Variants in DIP2A observed in about 807,000 individuals in gnomAD.
DIP2A encodes disco-interacting protein 2 homolog A.
Under a neutral mutation model 177.4 loss-of-function variants are expected in DIP2A, and 85 were observed. The ratio of observed to expected loss-of-function variants is 0.48; its 90% CI spans 0.40 to 0.57. DIP2A has a LOEUF of 0.57. Ranked by LOEUF, DIP2A falls within the 20% of genes least tolerant of loss-of-function variation. DIP2A has a pLI of 0.00. For missense variants in DIP2A, 1,791 were observed against 2,100.2 expected (o/e 0.85, Z 2.88); for synonymous variants, 886 against 881.8 (o/e 1.00, Z -0.08).
At chr21:46,579,674 A>G in the DIP2A span, among the ~76,000 whole-genome samples, 1 of 152,100 alleles carries the variant, frequency 6.6e-6, no homozygotes, top group African/African-American at 2.4e-5. Flanking sequence ...ATTAGTTTCA[A>G]ATAAGTTCTT....
chr21:46,493,572 C>T (rs1247781468), intron 3 of DIP2A, among the ~76,000 whole-genome samples: 1 of 152,044 alleles, frequency 6.6e-6, no homozygotes, highest in Non-Finnish European at 1.5e-5. Flanking sequence ...TTTTTGTCTT[C>T]AAAACTATTG....
At chr21:46,494,512 G>C (rs534886731) in intron 3 of DIP2A, among the ~76,000 whole-genome samples, 1 of 152,324 alleles carries the variant, frequency 6.6e-6, no homozygotes, top group African/African-American at 2.4e-5. Context: ...GCAAAATGGT[G>C]AAATTTAGAT....
intron 1 of DIP2A, among the ~76,000 whole-genome samples, chr21:46,471,669 T>A (rs2055395484): frequency 6.6e-6 from 1 of 152,244 alleles, no homozygotes; most frequent in Admixed American, 6.5e-5. Flanking sequence ...ACTTCTATTG[T>A]GTATTGATAG....
intron 3 of DIP2A, among the ~76,000 whole-genome samples, chr21:46,495,218 TC>T (rs60990940): frequency 0.046 from 4,757 of 104,078 alleles, 318 homozygotes; most frequent in African/African-American, 0.18. Context: ...TCTTCTCTTC[TC>T]TTCTCTTCTC....
In DIP2A at chr21:46,537,338, AACCC is replaced by A. The variant is rs1478558774; in HGVS notation, c.1707+52_1707+55del. 1.1e-5 allele frequency: 18 copies of A among 1,612,090 alleles called. No individual in the cohort carries two copies. Among genetic ancestry groups the A allele is most frequent in the Non-Finnish European group, 1.5e-5 (18 of 1,178,270 alleles). ...ACTGTTGGAACAAGGGATTGAGATGAACCCAAGCCTCTGCCTGAAATGTTGTTGG... is the reference window on the plus strand; with the variant it reads ...ACTGTTGGAACAAGGGATTGAGATGAAAGCCTCTGCCTGAAATGTTGTTGG... On this transcript the variant is annotated intron_variant, in intron 14 of 37. Transcript: ENST00000417564. The surrounding 1 kb of genome is among the most constrained non-coding windows in gnomAD (Gnocchi z 4.1).
intron 5 of DIP2A, among the ~76,000 whole-genome samples, chr21:46,503,618 T>TCCTTCCTTCC (rs1382139562): frequency 4.0e-5 from 3 of 74,292 alleles, no homozygotes; most frequent in Admixed American, 1.5e-4. Context: ...CTTCCTTTCT[T>TCCTTCCTTCC]TCTTTCTTTC....
At chr21:46,540,818 G>A (rs1190969690) in intron 17 of DIP2A, among the ~76,000 whole-genome samples, 2 of 151,874 alleles carry the variant, frequency 1.3e-5, no homozygotes, top group African/African-American at 2.4e-5. Context: ...GTTCGAGACC[G>A]GCCTGGCCAA....
chr21:46,481,189 C>A (rs11089069), intron 1 of DIP2A, among the ~76,000 whole-genome samples: 72,968 of 152,046 alleles, frequency 0.48, 18,416 homozygotes, highest in African/African-American at 0.64. Flanking sequence ...TTATCTTTTC[C>A]GAAATGTCAT....
At chr21:46,538,798 A>C in intron 16 of DIP2A, 196 bp downstream of exon 16, 1 of 760,370 alleles carries the variant, frequency 1.3e-6, no homozygotes, top group Non-Finnish European at 2.0e-6. Context: ...TAGGCCACTA[A>C]ATTTAAAAGC....
intron 8 of DIP2A, among the ~76,000 whole-genome samples, chr21:46,527,310 G>C (rs1601681990): frequency 6.8e-6 from 1 of 146,710 alleles, no homozygotes; most frequent in African/African-American, 2.5e-5. Context: ...GGCTAAAACA[G>C]TGGTTTGAGT....
chr21:46,490,931 A>C (rs1489322032), intron 3 of DIP2A, among the ~76,000 whole-genome samples: 1 of 152,202 alleles, frequency 6.6e-6, no homozygotes, highest in Admixed American at 6.5e-5. Context: ...GTGTAGCTTT[A>C]GTGGCACTTT....
At chr21:46,504,621 A>G (rs2148578760) in intron 6 of DIP2A, 132 bp downstream of exon 6, 5 of 1,103,692 alleles carry the variant, frequency 4.5e-6, no homozygotes, top group Non-Finnish European at 5.0e-6. Context: ...GCAGATAAAT[A>G]GAAACCAGTG....
rs773602574 is a variant in DIP2A at position 46,545,118 on chromosome 21, G to A, written c.2177-19G>A. 16 of 1,569,334 alleles carry A rather than the reference G, an allele frequency of 1.0e-5. No homozygotes were observed. Among genetic ancestry groups the A allele is most frequent in the Admixed American group, 1.8e-5 (1 of 55,772 alleles). ...TTAAACACGTTCTTGATAATTTTGA[G>A]TTTTTTTTCTCATTTTAGCTAATGT... On this transcript the variant is annotated intron_variant, in intron 18 of 37. Transcript: ENST00000417564.
At chr21:46,464,687 G>C (rs2148250752) in intron 1 of DIP2A, among the ~76,000 whole-genome samples, 1 of 152,202 alleles carries the variant, frequency 6.6e-6, no homozygotes, top group South Asian at 2.1e-4. Context: ...CTTTTGTCTG[G>C]AACGCATTCC....
At chr21:46,483,710 C>G (rs1255851651) in intron 1 of DIP2A, among the ~76,000 whole-genome samples, 1 of 152,212 alleles carries the variant, frequency 6.6e-6, no homozygotes, top group Non-Finnish European at 1.5e-5. Flanking sequence ...AGGAAATACT[C>G]AATTATGTAC....
Position 46,537,548 on chromosome 21 carries a change from T to C in DIP2A, c.1801+9T>C. The C allele has an allele frequency of 6.2e-7, 1 of 1,613,776 alleles. No individual in the cohort carries two copies. The highest frequency in any genetic ancestry group is 8.5e-7 in the Non-Finnish European group (1 of 1,179,656). On this transcript the variant is annotated intron_variant, in intron 15 of 37. Coordinates refer to ENST00000417564, the MANE Select transcript of DIP2A (RefSeq NM_015151.4). The surrounding 1 kb of genome is among the most constrained non-coding windows in gnomAD (Gnocchi z 4.1). ...AGTGTGCTTCTATAAAGGTAACGGA[T>C]ACCATGGTCAGGGCCTTCACCCTTC...
chr21:46,574,656 T>TA (rs892502302), downstream of DIP2A, among the ~76,000 whole-genome samples: 2 of 151,946 alleles, frequency 1.3e-5, no homozygotes, highest in African/African-American at 4.8e-5. Flanking sequence ...TAAAAAGCAT[T>TA]AAAAAATACT....
intron 3 of DIP2A, among the ~76,000 whole-genome samples, chr21:46,495,629 C>G (rs2057315358): frequency 6.6e-6 from 1 of 151,500 alleles, no homozygotes; most frequent in Admixed American, 6.6e-5. Context: ...CTTTTTCTTT[C>G]TTGGGTTCTC....
intron 25 of DIP2A, 49 bp downstream of exon 25, chr21:46,551,953 G>A: frequency 1.3e-6 from 2 of 1,538,808 alleles, no homozygotes; most frequent in Non-Finnish European, 1.7e-6. Flanking sequence ...GTGGGCCGGT[G>A]GAGCCCTTTG....
Sources: allele counts gnomAD v4.1 joint callset (sites outside exome capture counted in the v4.1 genomes callset), GRCh38; gene constraint gnomAD v4.1.1; non-coding constraint Gnocchi (gnomAD v3.1); transcripts MANE v1.5; gene names NCBI Gene and HGNC (gene_info 2026-07-23, HGNC 2026-07-21).